NDRG3: variants seen among roughly 807,000 people sequenced by gnomAD.
NDRG3 encodes NDRG family member 3.
In NDRG3, 23 loss-of-function variants were observed where a neutral mutation model predicts 57.2. The observed-to-expected ratio is 0.40, with a 90% CI of 0.29 to 0.57. The LOEUF (loss-of-function observed/expected upper bound fraction) is 0.57, where lower values mean the gene tolerates loss of function less well. Among genes scored for constraint, NDRG3 ranks in the 20% least tolerant of loss-of-function variants. NDRG3 has a pLI of 0.42. For missense variants in NDRG3, 384 were observed against 457.3 expected (o/e 0.84, Z 1.46); for synonymous variants, 132 against 162.6 (o/e 0.81, Z 1.43).
rs199952962 is a variant in NDRG3 at position 36,687,921 on chromosome 20, T to C, written c.200-309A>G. On this transcript the variant is annotated intron_variant, in intron 4 of 15. Coordinates refer to ENST00000349004, the MANE Select transcript of NDRG3 (RefSeq NM_032013.4). ...ATCTTACACCCATAATGCTGTCATT[T>C]CTCATGGACATTATTCCTCTATCTC... Among the ~76,000 whole-genome samples the C allele has an allele frequency of 2.0e-5, 3 of 152,234 alleles. No homozygotes were observed. In the East Asian group the frequency reaches 5.8e-4, roughly 29 times the overall value.
At chr20:36,694,044 G>A (rs917845277) in intron 3 of NDRG3, among the ~76,000 whole-genome samples, 12 of 151,956 alleles carry the variant, frequency 7.9e-5, no homozygotes, top group African/African-American at 7.3e-5. Flanking sequence ...TAAGAAAATC[G>A]TAAGGCAGAG....
intron 3 of NDRG3, among the ~76,000 whole-genome samples, chr20:36,702,341 T>A (rs1983285631): frequency 6.6e-6 from 1 of 152,066 alleles, no homozygotes; most frequent in Non-Finnish European, 1.5e-5. Context: ...TTTCACCGTG[T>A]TAGCCAGGAT....
At chr20:36,742,144 C>T (rs1354499541) in intron 1 of NDRG3, among the ~76,000 whole-genome samples, 3 of 152,122 alleles carry the variant, frequency 2.0e-5, no homozygotes, top group Non-Finnish European at 4.4e-5. Context: ...ACAGCTAGTC[C>T]CCCTACCATA....
intron 9 of NDRG3, among the ~76,000 whole-genome samples, chr20:36,669,355 A>C (rs1228408572): frequency 6.8e-6 from 1 of 146,664 alleles, no homozygotes; most frequent in Non-Finnish European, 1.5e-5. Context: ...TCAACCTTCC[A>C]AGTAGCTGGT....
intron 1 of NDRG3, among the ~76,000 whole-genome samples, chr20:36,730,336 C>T (rs1400780766): frequency 6.6e-6 from 1 of 151,680 alleles, no homozygotes; most frequent in South Asian, 2.1e-4. Flanking sequence ...CTCACTGTAA[C>T]CTTGAATTCC....
chr20:36,721,241 G>A (rs1253935444), intron 2 of NDRG3, among the ~76,000 whole-genome samples: 2 of 151,776 alleles, frequency 1.3e-5, no homozygotes, highest in African/African-American at 4.8e-5. Context: ...TTAAGAAATA[G>A]ATTTTTTGGC....
chr20:36,656,214 G>T, intron 15 of NDRG3, 146 bp downstream of exon 15: 9 of 591,170 alleles, frequency 1.5e-5, no homozygotes, highest in Non-Finnish European at 2.1e-5. Flanking sequence ...ACGGACAAAT[G>T]AATGTTCCAT....
At chr20:36,743,794 G>A (rs1440439181) in intron 1 of NDRG3, among the ~76,000 whole-genome samples, 1 of 150,982 alleles carries the variant, frequency 6.6e-6, no homozygotes, top group East Asian at 2.0e-4. Context: ...CTCCAGCCTG[G>A]GCAACAGAGC....
chr20:36,664,259 G>C (rs1600858927), intron 12 of NDRG3, among the ~76,000 whole-genome samples: 1 of 152,076 alleles, frequency 6.6e-6, no homozygotes, highest in Non-Finnish European at 1.5e-5. Flanking sequence ...ATATAATCAG[G>C]TCTACGTAAG....
intron 1 of NDRG3, among the ~76,000 whole-genome samples, chr20:36,730,474 C>A (rs990125282): frequency 1.3e-5 from 2 of 151,654 alleles, no homozygotes; most frequent in African/African-American, 4.8e-5. Flanking sequence ...GGCTAAGATG[C>A]GATTTTTTAA....
chr20:36,745,987 A>G (rs1782474), intron 1 of NDRG3, 58 bp downstream of exon 1: 73,682 of 275,048 alleles, frequency 0.27, 12,522 homozygotes, highest in African/African-American at 0.35. Flanking sequence ...CAAAGGAGCG[A>G]CGCCCCCGAA....
intron 3 of NDRG3, among the ~76,000 whole-genome samples, chr20:36,704,932 G>A (rs147971260): frequency 2.0e-5 from 3 of 152,190 alleles, no homozygotes; most frequent in South Asian, 2.1e-4. Context: ...AATGGGCAAC[G>A]GATTCAGGAA....
intron 3 of NDRG3, among the ~76,000 whole-genome samples, chr20:36,697,803 CAT>C (rs1982921531): frequency 6.6e-6 from 1 of 151,376 alleles, no homozygotes; most frequent in Admixed American, 6.6e-5. Context: ...TAAGTGTGTG[CAT>C]AAATTTTAAC....
At chr20:36,722,963 C>T (rs1984683819) in intron 1 of NDRG3, among the ~76,000 whole-genome samples, 2 of 152,240 alleles carry the variant, frequency 1.3e-5, no homozygotes, top group Admixed American at 1.3e-4. Flanking sequence ...ACTCAAACAG[C>T]CCTCTGGCGA....
intron 3 of NDRG3, among the ~76,000 whole-genome samples, chr20:36,693,139 TATAC>T (rs1313486271): frequency 0.046 from 2,143 of 46,896 alleles, 55 homozygotes; most frequent in Non-Finnish European, 0.058. Flanking sequence ...TATATATATA[TATAC>T]ACACACACAC....
intron 1 of NDRG3, among the ~76,000 whole-genome samples, chr20:36,725,024 A>G (rs1236592428): frequency 6.7e-6 from 1 of 148,720 alleles, no homozygotes; most frequent in Non-Finnish European, 1.5e-5. Context: ...GGCCGGGCGC[A>G]GTGGCTCACG....
At chr20:36,667,559 G>C (rs1242191793) in intron 9 of NDRG3, among the ~76,000 whole-genome samples, 1 of 152,216 alleles carries the variant, frequency 6.6e-6, no homozygotes, top group Admixed American at 6.5e-5. Flanking sequence ...TCACTCTGTT[G>C]CTGGCCTTCT....
rs2148168765 is a variant in NDRG3, at chr20:36,706,969, T to C, written c.93+3A>G. On this transcript the variant is annotated splice_donor_region_variant and intron_variant, in intron 3 of 15. Transcript: ENST00000349004. ...GCCTCCTTCTTGCTTGTACAGTCCT[T>C]ACCTGACAGTCAAAGTCCTGGAAGT... The C allele has an allele frequency of 6.2e-7, 1 of 1,613,506 alleles. No homozygotes were observed. Among genetic ancestry groups the C allele is most frequent in the Non-Finnish European group, 8.5e-7 (1 of 1,179,480 alleles).
At chr20:36,731,407 G>A (rs1156527860) in intron 1 of NDRG3, among the ~76,000 whole-genome samples, 1 of 152,058 alleles carries the variant, frequency 6.6e-6, no homozygotes, top group African/African-American at 2.4e-5. Context: ...ACTATGAAAG[G>A]GCCATTAACT....
Sources: allele counts gnomAD v4.1 joint callset (sites outside exome capture counted in the v4.1 genomes callset), GRCh38; gene constraint gnomAD v4.1.1; transcripts MANE v1.5; gene names NCBI Gene and HGNC (gene_info 2026-07-23, HGNC 2026-07-21).